The following CDC14B variants were observed in gnomAD, a reference collection of about 807,000 sequenced individuals.
CDC14B encodes the protein dual specificity protein phosphatase CDC14B.
In CDC14B, 22 loss-of-function variants were observed where a neutral mutation model predicts 64.2. The observed-to-expected ratio is 0.34, with a 90% CI of 0.24 to 0.49. CDC14B has a LOEUF of 0.49. CDC14B is among the 20% of genes least tolerant of loss of function. CDC14B has a pLI of 0.99. For missense variants in CDC14B, 498 were observed against 629.9 expected (o/e 0.79, Z 2.24); for synonymous variants, 191 against 215.8 (o/e 0.89, Z 1.01).
At position 96,573,266 on chromosome 9, in the gene CDC14B, A is replaced by G. The variant is rs548404621; in HGVS notation, c.161-7783T>C. On this transcript the variant is annotated intron_variant, in intron 1 of 13. Coordinates refer to ENST00000375241, the MANE Select transcript of CDC14B (RefSeq NM_033331.4). ...GCAGAGGTTGCCGTGAGCCCAGATC[A>G]TGCCACTCAACTCCAGCCTGGGTGA... Among the ~76,000 whole-genome samples the G allele has an allele frequency of 1.6e-4, 24 of 152,320 alleles. No homozygotes were observed. The South Asian group carries it at 4.3e-3, about 28-fold the overall frequency.
At chr9:96,519,084 C>T (rs180919135) in intron 12 of CDC14B, among the ~76,000 whole-genome samples, 58 of 151,890 alleles carry the variant, frequency 3.8e-4, no homozygotes, top group Admixed American at 8.5e-4. Context: ...TGCAGTGAGC[C>T]GAGATCGCAC....
At chr9:96,506,088 T>A (rs1459329737) in intron 13 of CDC14B, among the ~76,000 whole-genome samples, 1 of 152,122 alleles carries the variant, frequency 6.6e-6, no homozygotes, top group Non-Finnish European at 1.5e-5. Context: ...AAATGGAAGG[T>A]CAAGTTCCCA....
intron 12 of CDC14B, among the ~76,000 whole-genome samples, chr9:96,520,612 G>A (rs1836545209): frequency 1.3e-5 from 2 of 152,194 alleles, no homozygotes. Flanking sequence ...TGTATCCCCT[G>A]ACTCTCAACT....
intron 12 of CDC14B, chr9:96,514,411 T>C (rs1835330163): frequency 1.0e-6 from 1 of 985,016 alleles, no homozygotes; most frequent in Non-Finnish European, 1.2e-6. Context: ...GGTTAATCTA[T>C]CTCAGAAATA....
chr9:96,514,599 T>G, intron 12 of CDC14B: 1 of 985,424 alleles, frequency 1.0e-6, no homozygotes, highest in Non-Finnish European at 1.2e-6. Flanking sequence ...CCAGAGTTGG[T>G]TGCAATGGAA....
chr9:96,543,854 C>T (rs1259220525), intron 5 of CDC14B, among the ~76,000 whole-genome samples: 1 of 152,206 alleles, frequency 6.6e-6, no homozygotes, highest in East Asian at 1.9e-4. Flanking sequence ...TGGGTCTTCA[C>T]ACTGTAATAT....
At chr9:96,533,857 A>C in intron 9 of CDC14B, 70 bp downstream of exon 9, 1 of 922,830 alleles carries the variant, frequency 1.1e-6, no homozygotes, top group African/African-American at 1.7e-5. Flanking sequence ...AACTAAATGA[A>C]TATGGTCTGT....
rs138518674 is a variant in CDC14B at position 96,579,389 on chromosome 9, C to G, written c.161-13906G>C. 5.3e-3 allele frequency among the ~76,000 whole-genome samples: 797 copies of G among 151,802 alleles called. 11 individuals carry two copies. Among genetic ancestry groups the G allele is most frequent in the East Asian group, 0.03 (152 of 5,064 alleles). On this transcript the variant is annotated intron_variant, in intron 1 of 13. Coordinates refer to ENST00000375241, the MANE Select transcript of CDC14B (RefSeq NM_033331.4). The stretch of plus-strand genomic sequence containing the variant: ...GATCACAAGGTCAAGAGATTAAGAC[C>G]ATCCTGGCTAACACAGTGAAACCCC...
At chr9:96,550,820 G>A (rs16911208) in intron 5 of CDC14B, among the ~76,000 whole-genome samples, 2,318 of 152,132 alleles carry the variant, frequency 0.015, 65 homozygotes, top group African/African-American at 0.053. Flanking sequence ...CAACACAATC[G>A]CATGCTAAGT....
chr9:96,575,099 C>A (rs921567753), intron 1 of CDC14B, among the ~76,000 whole-genome samples: 1 of 152,170 alleles, frequency 6.6e-6, no homozygotes, highest in Non-Finnish European at 1.5e-5. Context: ...TTATTTCTTG[C>A]CGGTGCTACA....
At chr9:96,573,706 T>A (rs1185767812) in intron 1 of CDC14B, among the ~76,000 whole-genome samples, 1 of 152,204 alleles carries the variant, frequency 6.6e-6, no homozygotes, top group Non-Finnish European at 1.5e-5. Context: ...CCTGACATGC[T>A]AATACATGTA....
At position 96,619,247 on chromosome 9, in the gene CDC14B, G is replaced by A; in HGVS notation, c.132C>T (p.Pro44=). ...STQQDPRRRD[P]QDDVYLDITD... ...TGATGTCCAGGTACACGTCGTCCTGGGGGTCCCGGCGGCGCGGGTCTTGCT... is the reference window on the plus strand; with the variant it reads ...TGATGTCCAGGTACACGTCGTCCTGAGGGTCCCGGCGGCGCGGGTCTTGCT... The change falls in exon 1 of 14, where the codon CCC becomes CCT. Residue 44 remains proline, a synonymous_variant. Coordinates refer to ENST00000375241, the MANE Select transcript of CDC14B (RefSeq NM_033331.4). 3 of 1,358,712 alleles carry A rather than the reference G, an allele frequency of 2.2e-6. No individual in the cohort carries two copies. The highest frequency in any genetic ancestry group is 2.9e-6 in the Non-Finnish European group (3 of 1,049,828). 84.2% of individuals were successfully genotyped at this position (1,358,712 alleles called of 1,614,324 possible).
At chr9:96,602,841 T>A (rs180896301) in intron 1 of CDC14B, among the ~76,000 whole-genome samples, 1 of 152,264 alleles carries the variant, frequency 6.6e-6, no homozygotes, top group African/African-American at 2.4e-5. Flanking sequence ...GTTCTTTTTT[T>A]AAAAGTAATG....
intron 4 of CDC14B, among the ~76,000 whole-genome samples, chr9:96,557,109 G>A (rs1842599342): frequency 6.6e-6 from 1 of 152,220 alleles, no homozygotes. Flanking sequence ...AAGCACCACG[G>A]GCAGTGGAAA....
intron 13 of CDC14B, among the ~76,000 whole-genome samples, chr9:96,494,100 G>A (rs966731914): frequency 3.9e-5 from 6 of 152,190 alleles, no homozygotes; most frequent in African/African-American, 7.2e-5. Context: ...CTGTCTTGTC[G>A]TGCCTTGTCA....
chr9:96,532,756 G>A (rs1431487308), intron 9 of CDC14B, among the ~76,000 whole-genome samples: 2 of 152,088 alleles, frequency 1.3e-5, no homozygotes, highest in East Asian at 3.9e-4. Context: ...TCCCTCCAGT[G>A]AATTTTTCAT....
chr9:96,517,184 A>G (rs1835812204), intron 12 of CDC14B, among the ~76,000 whole-genome samples: 1 of 150,858 alleles, frequency 6.6e-6, no homozygotes, highest in African/African-American at 2.4e-5. Flanking sequence ...TACTAAAAAA[A>G]TACAAAAATT....
At chr9:96,495,391 G>GCCC (rs71499002), downstream of CDC14B, among the ~76,000 whole-genome samples, 9 of 140,194 alleles carry the variant, frequency 6.4e-5, no homozygotes, top group East Asian at 2.3e-4. Context: ...CATGTGTGCT[G>GCCC]CCCCCCCCCG....
downstream of CDC14B, among the ~76,000 whole-genome samples, chr9:96,499,237 T>C (rs539231820): frequency 6.6e-6 from 1 of 152,088 alleles, no homozygotes; most frequent in Admixed American, 6.5e-5. Context: ...AGGTCTCTGG[T>C]TTTTACTTTG....
Sources: allele counts gnomAD v4.1 joint callset (sites outside exome capture counted in the v4.1 genomes callset), GRCh38; gene constraint gnomAD v4.1.1; transcripts MANE v1.5; gene names NCBI Gene and HGNC (gene_info 2026-07-23, HGNC 2026-07-21).